Variants in PIK3C2G observed in about 807,000 individuals in gnomAD.
PIK3C2G encodes the protein phosphatidylinositol 3-kinase C2 domain-containing subunit gamma.
A neutral mutation model predicts 181.1 loss-of-function variants in PIK3C2G; 168 were observed. The ratio of observed to expected loss-of-function variants is 0.93; its 90% CI spans 0.82 to 1.05. The LOEUF is 1.05. Among genes scored for constraint, PIK3C2G ranks in the 50% least tolerant of loss-of-function variants. The pLI, the probability that PIK3C2G is intolerant of heterozygous loss-of-function variation, is 0.00. For synonymous variants in PIK3C2G, 573 were observed against 592.2 expected (o/e 0.97, Z 0.47); for missense variants, 1,869 against 1,732.8 (o/e 1.08, Z -1.40).
chr12:18,655,847 C>A, the PIK3C2G span, among the ~76,000 whole-genome samples: 2 of 151,486 alleles, frequency 1.3e-5, no homozygotes, highest in African/African-American at 4.9e-5. Context: ...TCATAAAAAG[C>A]AAAGAATGCC....
intron 28 of PIK3C2G, among the ~76,000 whole-genome samples, chr12:18,566,736 TTAAG>T (rs1274392311): frequency 4.6e-5 from 7 of 152,130 alleles, no homozygotes; most frequent in South Asian, 2.1e-4. Flanking sequence ...TCAAATTAAA[TTAAG>T]TTAGTATTAA....
upstream of PIK3C2G, among the ~76,000 whole-genome samples, chr12:18,261,126 C>T (rs1233133438): frequency 6.6e-6 from 1 of 152,046 alleles, no homozygotes; most frequent in Non-Finnish European, 1.5e-5. Flanking sequence ...TTTTCAAGGG[C>T]TCACCTCTGC....
chr12:18,454,810 A>G lies in PIK3C2G; in HGVS notation c.2504+30771A>G, dbSNP rs1350981541. On this transcript the variant is annotated intron_variant, in intron 18 of 32. Coordinates refer to ENST00000538779, the MANE Select transcript of PIK3C2G (RefSeq NM_001288772.2). Reference sequence around the variant, plus strand: ...TTCTTAATTTGAAGATAGAACTGACAGAATTTACTGATGAATTGGATGTGA... The same window carrying G: ...TTCTTAATTTGAAGATAGAACTGACGGAATTTACTGATGAATTGGATGTGA... Among the ~76,000 whole-genome samples, 7 of 152,348 alleles carry G rather than the reference A, an allele frequency of 4.6e-5. No individual in the cohort carries two copies. In the East Asian group the frequency reaches 1.4e-3, roughly 29 times the overall value.
the PIK3C2G span, among the ~76,000 whole-genome samples, chr12:18,670,481 C>G: frequency 8.5e-5 from 13 of 152,156 alleles, no homozygotes; most frequent in Non-Finnish European, 1.8e-4. Flanking sequence ...CTTCAACTAC[C>G]CAAGATGCAT....
At chr12:18,263,881 A>G (rs1373790231) in intron 1 of PIK3C2G, among the ~76,000 whole-genome samples, 2 of 152,142 alleles carry the variant, frequency 1.3e-5, no homozygotes, top group Non-Finnish European at 2.9e-5. Flanking sequence ...GACAATTCAC[A>G]TTTATGTGTT....
At chr12:18,566,649 C>G (rs981542971) in intron 28 of PIK3C2G, among the ~76,000 whole-genome samples, 11 of 151,614 alleles carry the variant, frequency 7.3e-5, no homozygotes, top group African/African-American at 2.7e-4. Context: ...TTTTAAGACC[C>G]CACATATATT....
intron 29 of PIK3C2G, among the ~76,000 whole-genome samples, chr12:18,567,431 T>A (rs1173303189): frequency 6.6e-6 from 1 of 152,130 alleles, no homozygotes; most frequent in Non-Finnish European, 1.5e-5. Context: ...TAACATTCTT[T>A]GGGTTCATTC....
Position 18,381,794 on chromosome 12 carries a change from A to G in PIK3C2G, c.1909A>G (p.Ser637Gly). 1 of 1,613,264 alleles carries G rather than the reference A, an allele frequency of 6.2e-7. No homozygotes were observed. Among genetic ancestry groups the G allele is most frequent in the Non-Finnish European group, 8.5e-7 (1 of 1,179,210 alleles). ...ATCCATTCTCGGGTCTATGCTGTTC[A>G]GCATGACATTACAGAGTGAGCCTCC... ...EKSILGSMLF[S>G]MTLQSEPPVE... The change falls in exon 14 of 33, where the codon AGC (serine) becomes GGC (glycine). Residue 637 changes from serine to glycine, a missense_variant. Ser to Gly is a moderately conservative substitution (Grantham distance 56). Coordinates refer to ENST00000538779, the MANE Select transcript of PIK3C2G (RefSeq NM_001288772.2).
chr12:18,567,460 C>A (rs1458467361), intron 29 of PIK3C2G, among the ~76,000 whole-genome samples: 1 of 151,828 alleles, frequency 6.6e-6, no homozygotes, highest in Non-Finnish European at 1.5e-5. Context: ...AATATGTATG[C>A]CTAATTTGTA....
At chr12:18,301,177 G>A (rs1044826770) in intron 5 of PIK3C2G, among the ~76,000 whole-genome samples, 1 of 152,028 alleles carries the variant, frequency 6.6e-6, no homozygotes, top group African/African-American at 2.4e-5. Flanking sequence ...GCTACAATGT[G>A]CAATGGAAAA....
At chr12:18,565,183 A>T (rs6486906) in intron 28 of PIK3C2G, among the ~76,000 whole-genome samples, 19,522 of 152,028 alleles carry the variant, frequency 0.13, 3,494 homozygotes, top group African/African-American at 0.4. Context: ...GACTTCTAAA[A>T]TTACTGAGAG....
At chr12:18,436,937 A>G (rs879494807) in intron 18 of PIK3C2G, among the ~76,000 whole-genome samples, 1 of 151,950 alleles carries the variant, frequency 6.6e-6, no homozygotes, top group Non-Finnish European at 1.5e-5. Flanking sequence ...TTATCTGGCA[A>G]AAAAGTGTTT....
chr12:18,368,796 A>T (rs1279585998), intron 12 of PIK3C2G, among the ~76,000 whole-genome samples: 1 of 152,134 alleles, frequency 6.6e-6, no homozygotes, highest in East Asian at 1.9e-4. Flanking sequence ...AGACAGATGT[A>T]CTTCCTCAAA....
At chr12:18,688,150 T>C in the PIK3C2G span, 3 of 1,611,764 alleles carry the variant, frequency 1.9e-6, no homozygotes, top group Non-Finnish European at 2.5e-6. Context: ...CAAAAACTTC[T>C]ATAATTACTA....
At chr12:18,701,076 C>T in the PIK3C2G span, among the ~76,000 whole-genome samples, 5 of 151,748 alleles carry the variant, frequency 3.3e-5, no homozygotes, top group African/African-American at 1.2e-4. Flanking sequence ...CATCCGCGTC[C>T]CAGGTTCAAG....
At chr12:18,654,581 G>C in the PIK3C2G span, among the ~76,000 whole-genome samples, 1 of 152,288 alleles carries the variant, frequency 6.6e-6, no homozygotes, top group African/African-American at 2.4e-5. Context: ...ATTGCCACGG[G>C]TGTTCCCTGA....
chr12:18,704,738 A>T, the PIK3C2G span, among the ~76,000 whole-genome samples: 7 of 152,210 alleles, frequency 4.6e-5, no homozygotes, highest in African/African-American at 1.4e-4. Context: ...TAAGACGGAA[A>T]GGGTCATAGA....
chr12:18,294,514 G>A (rs1197520237), intron 5 of PIK3C2G, among the ~76,000 whole-genome samples: 2 of 151,768 alleles, frequency 1.3e-5, no homozygotes, highest in African/African-American at 2.4e-5. Flanking sequence ...TTTTATGGAA[G>A]AGTAAGTTCT....
At chr12:18,425,025 G>T in intron 18 of PIK3C2G, 1 of 175,576 alleles carries the variant, frequency 5.7e-6, no homozygotes, top group Non-Finnish European at 1.2e-5. Context: ...GAGAAAAAAT[G>T]ATAATGATGA....
Sources: gnomAD v4.1 joint callset for allele counts (sites outside exome capture counted in the v4.1 genomes callset) on GRCh38, gnomAD v4.1.1 for gene constraint, MANE v1.5 for transcripts, NCBI Gene and HGNC (gene_info 2026-07-23, HGNC 2026-07-21) for gene names.